SBNO1: variants seen among roughly 807,000 people sequenced by gnomAD.
The protein encoded by SBNO1 is strawberry notch homolog 1.
Under a neutral mutation model 173.6 loss-of-function variants are expected in SBNO1, and 23 were observed. The ratio of observed to expected loss-of-function variants is 0.13; its 90% CI spans 0.10 to 0.19. The LOEUF (loss-of-function observed/expected upper bound fraction) is 0.19. Among genes scored for constraint, SBNO1 ranks in the 10% least tolerant of loss-of-function variants. The pLI is 1.00. For missense variants in SBNO1, 1,238 were observed against 1,671.2 expected (o/e 0.74, Z 4.52); for synonymous variants, 632 against 571.5 (o/e 1.11, Z -1.51).
chr12:123,349,793 T>C lies in SBNO1; in HGVS notation c.132+517A>G, dbSNP rs887994677. ...AGCCAGGCGTCGTGGCCCATGCCTGTAATCCCAACTACTCAGGAGGCTGAG... is the reference window on the plus strand; with the variant it reads ...AGCCAGGCGTCGTGGCCCATGCCTGCAATCCCAACTACTCAGGAGGCTGAG... On this transcript the variant is annotated intron_variant, in intron 2 of 31. Coordinates refer to ENST00000602398, the MANE Select transcript of SBNO1 (RefSeq NM_001167856.3). 7.2e-5 allele frequency among the ~76,000 whole-genome samples: 11 copies of C among 152,004 alleles called. 1 individual carries two copies. The highest frequency in any genetic ancestry group is 2.4e-4 in the African/African-American group (10 of 41,368).
intron 1 of SBNO1, among the ~76,000 whole-genome samples, chr12:123,359,501 G>A (rs1874867299): frequency 6.7e-6 from 1 of 149,684 alleles, no homozygotes; most frequent in East Asian, 2.0e-4. Flanking sequence ...GGTGGAGGTT[G>A]CCAAGATCGC....
At position 123,311,106 on chromosome 12, in the gene SBNO1, C is replaced by G; in HGVS notation, c.3244G>C (p.Val1082Leu). The G allele has an allele frequency of 6.2e-7, 1 of 1,613,466 alleles. No homozygotes were observed. The highest frequency in any genetic ancestry group is 8.5e-7 in the Non-Finnish European group (1 of 1,179,462). ...FKDVRQGLIGVGLINVEDRSG... is the reference protein window; with the variant it reads ...FKDVRQGLIGLGLINVEDRSG... The stretch of plus-strand genomic sequence containing the variant: ...CGATCTTCTACATTTATCAGGCCAA[C>G]GCCTATCAGTCCTTGTCGAACATCT... Residue 1082 changes from valine (V) to leucine (L), a missense_variant, in exon 25 of 32, where the codon GTT becomes CTT. This residue lies in a region of SBNO1 where 351 missense variants were observed against 420.3 expected (regional missense o/e 0.84). Coordinates refer to ENST00000602398, the MANE Select transcript of SBNO1 (RefSeq NM_001167856.3).
intron 3 of SBNO1, among the ~76,000 whole-genome samples, chr12:123,346,411 T>A (rs1873147589): frequency 1.3e-5 from 2 of 152,222 alleles, no homozygotes; most frequent in African/African-American, 4.8e-5. Context: ...ACACTTGTAA[T>A]CCCAGCACTT....
chr12:123,302,778 T>C (rs766260177), intron 30 of SBNO1, 46 bp downstream of exon 30: 1 of 1,202,566 alleles, frequency 8.3e-7, no homozygotes, highest in African/African-American at 1.5e-5. Flanking sequence ...TATTTAAATC[T>C]CAATTAAATT....
rs1444060692 is a variant in SBNO1 at position 123,348,056 on chromosome 12, T to C, written c.210A>G (p.Val70=). The C allele has an allele frequency of 1.2e-6, 2 of 1,608,864 alleles. No homozygotes were observed. The highest frequency in any genetic ancestry group is 2.7e-5 in the African/African-American group (2 of 74,948). ...AVPVKQEPET[V]PTPALLNVRQ... Reference sequence around the variant, plus strand: ...TCACATTTAATAGTGCTGGAGTAGGTACAGTCTCTGGTTCTTGTTTAACAG... The same window carrying C: ...TCACATTTAATAGTGCTGGAGTAGGCACAGTCTCTGGTTCTTGTTTAACAG... Residue 70 remains valine (V), a synonymous_variant, in exon 3 of 32, where the codon GTA becomes GTG. Transcript: ENST00000602398.
At chr12:123,350,250 T>C in intron 2 of SBNO1, 60 bp downstream of exon 2, 1 of 1,598,466 alleles carries the variant, frequency 6.3e-7, no homozygotes. Context: ...TGAGACTATC[T>C]TAAAAAAAAA....
rs141165209 is a variant in SBNO1, at chr12:123,327,679, G to C, written c.1538+28C>G. The C allele has an allele frequency of 3.1e-4, 494 of 1,589,238 alleles. 1 individual carries two copies. In the African/African-American group the frequency reaches 5.6e-3, roughly 18 times the overall value. The stretch of plus-strand genomic sequence containing the variant: ...AACACACTTCTTAGATTGCTACTGA[G>C]AAGAGTATATACCGTAAACTGCATT... On this transcript the variant is annotated intron_variant, in intron 12 of 31. Coordinates refer to ENST00000602398, the MANE Select transcript of SBNO1 (RefSeq NM_001167856.3).
chr12:123,296,080 T>C, intron 31 of SBNO1, 30 bp from the exon 32 acceptor site: 2 of 1,508,254 alleles, frequency 1.3e-6, no homozygotes, highest in South Asian at 2.3e-5. Flanking sequence ...TTTATCAAGT[T>C]GTGTCCAGAA....
At chr12:123,334,723 AAAATT>A (rs1160434613) in intron 6 of SBNO1, among the ~76,000 whole-genome samples, 2 of 151,704 alleles carry the variant, frequency 1.3e-5, no homozygotes, top group African/African-American at 4.8e-5. Flanking sequence ...ATAAATAAAT[AAAATT>A]AAATAATAAA....
At chr12:123,346,390 C>T (rs1171861943) in intron 3 of SBNO1, among the ~76,000 whole-genome samples, 3 of 152,194 alleles carry the variant, frequency 2.0e-5, no homozygotes, top group Non-Finnish European at 4.4e-5. Context: ...ATTGGCCGGG[C>T]GCGGTGGCTC....
chr12:123,324,601 C>A (rs899438915), intron 15 of SBNO1, among the ~76,000 whole-genome samples: 1 of 151,490 alleles, frequency 6.6e-6, no homozygotes, highest in East Asian at 2.0e-4. Context: ...GGATTACAGG[C>A]GTGAGCCCCA....
chr12:123,317,103 G>T, intron 21 of SBNO1, 118 bp downstream of exon 21: 3 of 1,058,104 alleles, frequency 2.8e-6, no homozygotes, highest in Non-Finnish European at 4.2e-6. Context: ...CTCCCGAAAT[G>T]TTGGAATTAC....
intron 3 of SBNO1, among the ~76,000 whole-genome samples, chr12:123,346,268 CAG>C (rs559049503): frequency 7.7e-4 from 117 of 152,292 alleles, no homozygotes; most frequent in African/African-American, 2.7e-3. Flanking sequence ...AGACTAGTAA[CAG>C]AAAGTTTCTA....
At chr12:123,337,037 G>C (rs1458530354) in intron 5 of SBNO1, among the ~76,000 whole-genome samples, 1 of 152,146 alleles carries the variant, frequency 6.6e-6, no homozygotes, top group Admixed American at 6.6e-5. Context: ...CAGAAGACTG[G>C]AGTTTATTTT....
At position 123,336,456 on chromosome 12, in the gene SBNO1, C is replaced by T. The variant is rs1871854164; in HGVS notation, c.687G>A (p.Glu229=). Residue 229 remains glutamate (E), a synonymous_variant, in exon 6 of 32, where the codon GAG becomes GAA. Transcript: ENST00000602398. Reference sequence around the variant, plus strand: ...GACCCATTTCTTCTTCATCTTCTTCCTCTGGTTCATCATCTTCTTTTACAA... The same window carrying T: ...GACCCATTTCTTCTTCATCTTCTTCTTCTGGTTCATCATCTTCTTTTACAA... ...VPVVKEDDEP[E]EEDEEEMGHA... 6.2e-7 allele frequency: 1 copy of T among 1,612,726 alleles called. No homozygotes were observed. The highest frequency in any genetic ancestry group is 8.5e-7 in the Non-Finnish European group (1 of 1,179,428).
intron 1 of SBNO1, among the ~76,000 whole-genome samples, chr12:123,355,565 C>G (rs1336167961): frequency 6.6e-6 from 1 of 151,896 alleles, no homozygotes; most frequent in Non-Finnish European, 1.5e-5. Context: ...GATCGCAGCA[C>G]TGCACTCCAG....
At chr12:123,309,208 C>T in intron 28 of SBNO1, 102 bp downstream of exon 28, 11 of 834,202 alleles carry the variant, frequency 1.3e-5, no homozygotes, top group Non-Finnish European at 2.2e-5. Flanking sequence ...ATAGACAAAG[C>T]TAAACACAAC....
chr12:123,313,023 T>A (rs1205997674), intron 24 of SBNO1, among the ~76,000 whole-genome samples: 1 of 151,758 alleles, frequency 6.6e-6, no homozygotes, highest in Non-Finnish European at 1.5e-5. Flanking sequence ...GCCAACATGG[T>A]GCAACGCCGT....
At chr12:123,296,095 C>T (rs564511808) in intron 31 of SBNO1, 45 bp from the exon 32 acceptor site, 3 of 1,262,376 alleles carry the variant, frequency 2.4e-6, no homozygotes, top group Non-Finnish European at 3.5e-6. Context: ...CCAGAAGAAA[C>T]CACACTGTAC....
Sources: gnomAD v4.1 joint callset for allele counts (sites outside exome capture counted in the v4.1 genomes callset) on GRCh38, gnomAD v4.1.1 for gene constraint, gnomAD v4.1.1 regional missense constraint, MANE v1.5 for transcripts, NCBI Gene and HGNC (gene_info 2026-07-23, HGNC 2026-07-21) for gene names.